The following TRPM6 variants were observed in gnomAD, a reference collection of about 807,000 sequenced individuals.
TRPM6 encodes the protein transient receptor potential cation channel subfamily M member 6.
Under a neutral mutation model 247.6 loss-of-function variants are expected in TRPM6, and 111 were observed. That is an observed-to-expected ratio of 0.45 (90% CI 0.38 to 0.52). The LOEUF (loss-of-function observed/expected upper bound fraction) is 0.52, where lower values mean the gene tolerates loss of function less well. Among genes scored for constraint, TRPM6 ranks in the 20% least tolerant of loss-of-function variants. The pLI is 0.00. For missense variants in TRPM6, 2,126 were observed against 2,421.5 expected, an observed-to-expected ratio of 0.88 and a Z score of 2.56; for synonymous variants, 892 against 853.8, an observed-to-expected ratio of 1.04 and a Z score of -0.78.
At chr9:74,788,517 A>G in intron 20 of TRPM6, 97 bp downstream of exon 20, 1 of 1,439,192 alleles carries the variant, frequency 6.9e-7, no homozygotes, top group Non-Finnish European at 9.8e-7. Context: ...CACCCTTGAC[A>G]TGTCCATTTT....
chr9:74,842,258 G>T lies in TRPM6; in HGVS notation c.238C>A (p.Gln80Lys). ...GTTGTGTGCTTTTCAACAGACCATT[G>T]TTCACTTTCTTTACCCTTGGCAGCT... is the stretch of plus-strand genomic sequence containing the variant. ...ISAAKGKESE[Q>K]WSVEKHTTKS... The change falls in exon 4 of 39, where the codon CAA becomes AAA. Residue 80 changes from glutamine to lysine, a missense_variant. Coordinates refer to ENST00000360774, the MANE Select transcript of TRPM6 (RefSeq NM_017662.5). 6.2e-7 allele frequency: 1 copy of T among 1,613,940 alleles called. No individual in the cohort carries two copies. The highest frequency in any genetic ancestry group is 2.2e-5 in the East Asian group (1 of 44,880).
At chr9:74,778,326 T>G (rs544793985) in intron 23 of TRPM6, among the ~76,000 whole-genome samples, 1 of 152,262 alleles carries the variant, frequency 6.6e-6, no homozygotes, top group East Asian at 1.9e-4. Context: ...AGCCCATGGC[T>G]CTCTGCAACT....
chr9:74,823,711 G>A (rs912341576), intron 7 of TRPM6, among the ~76,000 whole-genome samples: 4 of 152,094 alleles, frequency 2.6e-5, no homozygotes, highest in African/African-American at 9.7e-5. Flanking sequence ...AGAAAATTTC[G>A]ATTAATATTT....
At chr9:74,843,320 T>A (rs754441415) in intron 3 of TRPM6, among the ~76,000 whole-genome samples, 1 of 152,154 alleles carries the variant, frequency 6.6e-6, no homozygotes, top group Non-Finnish European at 1.5e-5. Context: ...AAGTCATCCA[T>A]GAAAGTTGGG....
In TRPM6 at chr9:74,887,912, C is replaced by G; in HGVS notation, c.-56G>C. Reference sequence around the variant, plus strand: ...CTGTCTGAGCTTTTAACTGTGGAGGCAGAAACTCTGGGCTCCACCTCCACA... The same window carrying G: ...CTGTCTGAGCTTTTAACTGTGGAGGGAGAAACTCTGGGCTCCACCTCCACA... On this transcript the variant is annotated 5_prime_UTR_variant, in exon 1 of 39. Coordinates refer to ENST00000360774, the MANE Select transcript of TRPM6 (RefSeq NM_017662.5). The G allele has an allele frequency of 6.2e-7, 1 of 1,608,576 alleles. No homozygotes were observed. The highest frequency in any genetic ancestry group is 8.5e-7 in the Non-Finnish European group (1 of 1,175,406).
chr9:74,743,958 T>C, intron 32 of TRPM6, 137 bp downstream of exon 32: 1 of 844,328 alleles, frequency 1.2e-6, no homozygotes, highest in Non-Finnish European at 1.9e-6. Flanking sequence ...TGGAATGTTC[T>C]TCCCATCAAA....
chr9:74,885,033 T>C (rs573616502), intron 1 of TRPM6, among the ~76,000 whole-genome samples: 1 of 152,300 alleles, frequency 6.6e-6, no homozygotes, highest in African/African-American at 2.4e-5. Context: ...AGAAATAAAA[T>C]TGATTCAAAT....
intron 9 of TRPM6, among the ~76,000 whole-genome samples, chr9:74,819,473 C>T (rs968019533): frequency 5.3e-5 from 8 of 152,164 alleles, no homozygotes; most frequent in Non-Finnish European, 1.0e-4. Flanking sequence ...TGCACCACTG[C>T]ATTCCAGCCT....
chr9:74,735,915 G>A (rs1025300984), intron 36 of TRPM6, among the ~76,000 whole-genome samples: 6 of 152,122 alleles, frequency 3.9e-5, no homozygotes, highest in African/African-American at 7.2e-5. Flanking sequence ...TAAACTGCTC[G>A]AGTATTTCAC....
chr9:74,741,161 ATAGCTTCCACTTT>A (rs1268282353), intron 33 of TRPM6, among the ~76,000 whole-genome samples: 8 of 152,192 alleles, frequency 5.3e-5, no homozygotes, highest in South Asian at 2.1e-4. Context: ...TAACTGCTAC[ATAGCTTCCACTTT>A]TAGGCTGTTG....
chr9:74,755,309 C>T (rs201482469), intron 28 of TRPM6, 44 bp downstream of exon 28: 48 of 1,611,450 alleles, frequency 3.0e-5, no homozygotes, highest in Non-Finnish European at 4.1e-5. Context: ...CCTGAGAAAA[C>T]CCCACCAGGG....
At chr9:74,880,563 C>G (rs1831329546) in intron 1 of TRPM6, among the ~76,000 whole-genome samples, 1 of 152,040 alleles carries the variant, frequency 6.6e-6, no homozygotes, top group Non-Finnish European at 1.5e-5. Context: ...AAAAGCACTG[C>G]CATCCAAGGA....
At chr9:74,778,488 A>G (rs1025245734) in intron 23 of TRPM6, among the ~76,000 whole-genome samples, 3 of 152,206 alleles carry the variant, frequency 2.0e-5, no homozygotes, top group Admixed American at 6.5e-5. Flanking sequence ...TGCTGCCTCC[A>G]TAATAGGCAG....
intron 7 of TRPM6, among the ~76,000 whole-genome samples, chr9:74,824,075 A>G (rs1221491338): frequency 6.6e-6 from 1 of 152,044 alleles, no homozygotes; most frequent in Non-Finnish European, 1.5e-5. Flanking sequence ...AGTATATAAT[A>G]CTTTTACCAT....
intron 1 of TRPM6, chr9:74,887,574 G>T (rs935800346): frequency 3.2e-5 from 47 of 1,486,226 alleles, no homozygotes; most frequent in Non-Finnish European, 4.0e-5. Flanking sequence ...CGCTATGGCC[G>T]CATCCCAGCT....
At chr9:74,819,980 T>C (rs1002208899) in intron 9 of TRPM6, among the ~76,000 whole-genome samples, 1 of 152,132 alleles carries the variant, frequency 6.6e-6, no homozygotes, top group Non-Finnish European at 1.5e-5. Flanking sequence ...CCACATTTTT[T>C]ATTTTTTATT....
chr9:74,785,760 T>G (rs576713904), intron 21 of TRPM6, 114 bp downstream of exon 21: 1 of 1,156,252 alleles, frequency 8.6e-7, no homozygotes, highest in Non-Finnish European at 1.3e-6. Context: ...CCTGACCTTG[T>G]GATCCGCCCG....
At chr9:74,747,952 G>A (rs1370047429) in intron 30 of TRPM6, 38 bp from the exon 31 acceptor site, 2 of 1,598,056 alleles carry the variant, frequency 1.3e-6, no homozygotes, top group Non-Finnish European at 1.7e-6. Context: ...AGATAATGCT[G>A]CCTTAAATCT....
chr9:74,788,538 G>T, intron 20 of TRPM6, 76 bp downstream of exon 20: 2 of 1,566,220 alleles, frequency 1.3e-6, no homozygotes, highest in Non-Finnish European at 1.8e-6. Context: ...CATCACCAGA[G>T]CCAAGGAGTC....
Sources: gnomAD v4.1 joint callset for allele counts (sites outside exome capture counted in the v4.1 genomes callset) on GRCh38, gnomAD v4.1.1 for gene constraint, MANE v1.5 for transcripts, NCBI Gene and HGNC (gene_info 2026-07-23, HGNC 2026-07-21) for gene names.